The following EXPH5 variants were observed in gnomAD, a reference collection of about 807,000 sequenced individuals.
EXPH5 encodes the protein exophilin 5.
A neutral mutation model predicts 41.1 loss-of-function variants in EXPH5; 42 were observed. That is an observed-to-expected ratio of 1.02 (90% confidence interval 0.80 to 1.32). EXPH5 has a LOEUF of 1.32. EXPH5 is among the 40% of genes most tolerant of loss of function. The probability of loss-of-function intolerance (pLI) is 0.00; values close to 1 mark genes in which losing one functional copy is unlikely to be tolerated. For missense variants in EXPH5, 2,298 were observed against 2,314.5 expected (o/e 0.99, Z 0.15); for synonymous variants, 798 against 833.5 (o/e 0.96, Z 0.73).
rs770883081 is a variant in EXPH5, at chr11:108,528,182, C to A, written c.446G>T (p.Cys149Phe). The change falls in exon 4 of 6, where the codon TGT (cysteine) becomes TTT (phenylalanine). Residue 149 changes from cysteine (C) to phenylalanine (F), a missense_variant and splice_region_variant. Coordinates refer to ENST00000265843, the MANE Select transcript of EXPH5 (RefSeq NM_015065.3). ...SKLPSLGQKGCDGHAGPPMPV... is the reference protein window; with the variant it reads ...SKLPSLGQKGFDGHAGPPMPV... ...CATAGGAGGTCCTGCATGGCCATCA[C>A]ATCTGTGGAAATAATTTGAAATGAT... 1 of 1,609,208 alleles carries A rather than the reference C, an allele frequency of 6.2e-7. No homozygotes were observed. The highest frequency in any genetic ancestry group is 2.2e-5 in the East Asian group (1 of 44,864).
Position 108,510,934 on chromosome 11 carries a change from A to T in EXPH5, c.4573T>A (p.Ser1525Thr). The T allele has an allele frequency of 1.2e-6, 2 of 1,614,070 alleles. No individual in the cohort carries two copies. ...AGACTCTCTAAGTTTGGTTCATCTGACTGAGTCTCCTCACCAAGCTGTAGT... is the reference window on the plus strand; with the variant it reads ...AGACTCTCTAAGTTTGGTTCATCTGTCTGAGTCTCCTCACCAAGCTGTAGT... ...HKLQLGEETQ[S>T]DEPNLESLQS... Residue 1525 changes from serine to threonine, a missense_variant, in exon 6 of 6, where the codon TCA (serine) becomes ACA (threonine). Transcript: ENST00000265843.
chr11:108,601,188 C>T, the EXPH5 span, among the ~76,000 whole-genome samples: 1 of 152,156 alleles, frequency 6.6e-6, no homozygotes, highest in African/African-American at 2.4e-5. Flanking sequence ...CTTGCTAAAA[C>T]CTATTAAACT....
At chr11:108,518,449 TGTC>T (rs2093742174) in intron 4 of EXPH5, 76 bp from the exon 5 acceptor site, 8 of 1,343,330 alleles carry the variant, frequency 6.0e-6, no homozygotes, top group Non-Finnish European at 8.3e-6. Context: ...CCCACCAAAC[TGTC>T]CCAAGCTTAA....
intron 1 of EXPH5, among the ~76,000 whole-genome samples, chr11:108,568,632 T>C (rs1337368939): frequency 6.6e-6 from 1 of 152,164 alleles, no homozygotes; most frequent in Non-Finnish European, 1.5e-5. Context: ...TGTCCTTTAG[T>C]ATTCAGATAT....
Position 108,513,417 on chromosome 11 carries a change from A to T in EXPH5, c.2090T>A (p.Val697Glu). The change falls in exon 6 of 6, where the codon GTA becomes GAA. Residue 697 changes from valine to glutamate, a missense_variant. Coordinates refer to ENST00000265843, the MANE Select transcript of EXPH5 (RefSeq NM_015065.3). ...KSQPNILVTE[V>E]NNEKDLNESI... ...TTCATTTAAGTCTTTCTCATTATTT[A>T]CTTCTGTGACCAAGATATTGGGCTG... 1 of 1,613,364 alleles carries T rather than the reference A, an allele frequency of 6.2e-7. No individual in the cohort carries two copies. Among genetic ancestry groups the T allele is most frequent in the Non-Finnish European group, 8.5e-7 (1 of 1,179,784 alleles).
chr11:108,538,743 A>T (rs181552605), intron 3 of EXPH5, among the ~76,000 whole-genome samples: 1 of 152,318 alleles, frequency 6.6e-6, no homozygotes. Context: ...GAGCAGTGGA[A>T]AAACTGGCAA....
intron 1 of EXPH5, among the ~76,000 whole-genome samples, chr11:108,570,377 C>T (rs536177773): frequency 6.6e-5 from 10 of 152,242 alleles, no homozygotes; most frequent in African/African-American, 2.4e-4. Context: ...GCCTTAGCCT[C>T]CTGAGTAGCT....
At chr11:108,517,364 ATCT>A (rs2093733081) in intron 5 of EXPH5, among the ~76,000 whole-genome samples, 1 of 152,204 alleles carries the variant, frequency 6.6e-6, no homozygotes, top group Non-Finnish European at 1.5e-5. Flanking sequence ...GCCAGGAAGC[ATCT>A]TACTGAAGAA....
chr11:108,544,314 C>G (rs2093927581), intron 1 of EXPH5, among the ~76,000 whole-genome samples: 1 of 152,108 alleles, frequency 6.6e-6, no homozygotes, highest in Admixed American at 6.6e-5. Context: ...CTCAGCCTCC[C>G]CAGTAGCTGG....
rs191816257 is a variant in EXPH5, at chr11:108,509,397, A to G, written c.*140T>C. 4 of 702,790 alleles carry G rather than the reference A, an allele frequency of 5.7e-6. No homozygotes were observed. The highest frequency in any genetic ancestry group is 1.8e-5 in the African/African-American group (1 of 55,922). The allele number at this position is 702,790 out of a possible 1,614,324, so 43.5% of individuals were successfully genotyped here. ...GAAGTGTCTATATAGGGTGTGGAGG[A>G]AAAAAAAGGAGATGTGGGACATTTC... On this transcript the variant is annotated 3_prime_UTR_variant, in exon 6 of 6. Transcript: ENST00000265843.
intron 1 of EXPH5, among the ~76,000 whole-genome samples, chr11:108,576,569 A>G (rs1157753588): frequency 6.6e-6 from 1 of 152,062 alleles, no homozygotes; most frequent in Non-Finnish European, 1.5e-5. Flanking sequence ...ATAAAATTTT[A>G]TTTTTCATTC....
At chr11:108,599,502 G>T in the EXPH5 span, among the ~76,000 whole-genome samples, 31 of 152,290 alleles carry the variant, frequency 2.0e-4, no homozygotes, top group Non-Finnish European at 4.0e-4. Flanking sequence ...GACCTCTGTA[G>T]ATGTCACAAC....
intron 4 of EXPH5, among the ~76,000 whole-genome samples, chr11:108,520,980 A>G (rs561858129): frequency 3.4e-4 from 51 of 152,062 alleles, no homozygotes; most frequent in Non-Finnish European, 5.9e-4. Context: ...TATCCACCCC[A>G]TGCCTTCACT....
intron 1 of EXPH5, 60 bp downstream of exon 1, chr11:108,593,358 C>A: frequency 1.3e-6 from 2 of 1,482,842 alleles, no homozygotes; most frequent in Middle Eastern, 3.6e-4. Flanking sequence ...GCCTTCCCCG[C>A]GGATCCCCGG....
rs529616717 is a variant in EXPH5, at chr11:108,560,514, A to G, written c.120-18702T>C. 3.3e-5 allele frequency among the ~76,000 whole-genome samples: 5 copies of G among 152,374 alleles called. No individual in the cohort carries two copies. The East Asian group carries it at 9.6e-4, about 29-fold the overall frequency. ...GCAGAATCACACGCCAAAGGGCTTT[A>G]ACTTTGAGCATTCCTCTTGAATCCT... On this transcript the variant is annotated intron_variant, in intron 1 of 5. Coordinates refer to ENST00000265843, the MANE Select transcript of EXPH5 (RefSeq NM_015065.3).
chr11:108,548,761 T>A (rs1404942272), intron 1 of EXPH5, among the ~76,000 whole-genome samples: 4 of 152,210 alleles, frequency 2.6e-5, no homozygotes, highest in African/African-American at 9.6e-5. Context: ...TTGACAATGG[T>A]TAACTGAGCT....
At chr11:108,548,229 CT>C (rs71050862) in intron 1 of EXPH5, among the ~76,000 whole-genome samples, 1 of 150,266 alleles carries the variant, frequency 6.7e-6, no homozygotes, top group Non-Finnish European at 1.5e-5. Flanking sequence ...AAGTTTTTGA[CT>C]TTTTTTTCTT....
At position 108,513,841 on chromosome 11, in the gene EXPH5, G is replaced by A; in HGVS notation, c.1666C>T (p.Gln556Ter). ...EEPHPWQFDF[Q>*]RSTLDSMVVS... The stretch of plus-strand genomic sequence containing the variant: ...ACCATGCTATCCAGTGTGGATCTCT[G>A]AAAATCAAACTGCCAAGGATGTGGC... Residue 556 changes from glutamine to a stop codon, truncating the protein, a stop_gained, in exon 6 of 6, where the codon CAG becomes TAG. Transcript: ENST00000265843. LOFTEE classifies it low-confidence loss of function (END_TRUNC). 6.2e-7 allele frequency: 1 copy of A among 1,608,760 alleles called. No individual in the cohort carries two copies. The highest frequency in any genetic ancestry group is 2.2e-5 in the East Asian group (1 of 44,828).
intron 1 of EXPH5, among the ~76,000 whole-genome samples, chr11:108,588,637 TG>T (rs1368113397): frequency 2.6e-5 from 4 of 152,226 alleles, no homozygotes; most frequent in African/African-American, 7.2e-5. Context: ...GAGCTTAGCA[TG>T]GGTCAATACT....
Sources: allele counts gnomAD v4.1 joint callset (sites outside exome capture counted in the v4.1 genomes callset), GRCh38; gene constraint gnomAD v4.1.1; transcripts MANE v1.5; gene names NCBI Gene and HGNC (gene_info 2026-07-23, HGNC 2026-07-21).